LRP1B: variants seen among roughly 807,000 people sequenced by gnomAD.
LRP1B encodes the protein low-density lipoprotein receptor-related protein 1B.
LRP1B carries 217 observed loss-of-function variants against 556.6 expected under a neutral mutation model. The ratio of observed to expected loss-of-function variants is 0.39; its 90% CI spans 0.35 to 0.44. The LOEUF is 0.44. Ranked by LOEUF, LRP1B falls within the 20% of genes least tolerant of loss-of-function variation. LRP1B has a pLI of 1.00. For synonymous variants in LRP1B, 2,047 were observed against 1,865.8 expected (o/e 1.10, Z -2.50); for missense variants, 5,053 against 5,620.8 (o/e 0.90, Z 3.23).
chr2:141,637,303 T>C (rs1689138598), intron 2 of LRP1B, among the ~76,000 whole-genome samples: 1 of 152,170 alleles, frequency 6.6e-6, no homozygotes, highest in Non-Finnish European at 1.5e-5. Context: ...TTCTTTGCAT[T>C]AAATTATGTA....
chr2:140,389,233 A>G (rs751016087), intron 66 of LRP1B, among the ~76,000 whole-genome samples: 2 of 152,096 alleles, frequency 1.3e-5, no homozygotes, highest in Non-Finnish European at 2.9e-5. Flanking sequence ...TTTAAATAGG[A>G]GAATTATATG....
At chr2:140,857,851 C>T (rs551694452) in intron 27 of LRP1B, among the ~76,000 whole-genome samples, 62 of 152,022 alleles carry the variant, frequency 4.1e-4, no homozygotes, top group Non-Finnish European at 5.6e-4. Flanking sequence ...TCTTAAAATA[C>T]CAACTAACTT....
At chr2:141,640,016 A>G (rs1005518403) in intron 2 of LRP1B, among the ~76,000 whole-genome samples, 1 of 152,218 alleles carries the variant, frequency 6.6e-6, no homozygotes, top group East Asian at 1.9e-4. Context: ...TGATTCAGCA[A>G]TAGAAGCTTG....
chr2:140,438,067 A>G (rs1312595668), intron 66 of LRP1B, among the ~76,000 whole-genome samples: 1 of 152,164 alleles, frequency 6.6e-6, no homozygotes, highest in East Asian at 1.9e-4. Context: ...CACCTAGGCT[A>G]CAGTACAGGT....
chr2:140,487,614 T>C lies in LRP1B; in HGVS notation c.9243+3A>G. ...CAATCCCATCATTGTAATATTTAGT[T>C]ACCTTAATGTCACTTCCATTTAAAC... On this transcript the variant is annotated splice_donor_region_variant and intron_variant, in intron 58 of 90. Transcript: ENST00000389484. 6.2e-7 allele frequency: 1 copy of C among 1,606,988 alleles called. No individual in the cohort carries two copies. The highest frequency in any genetic ancestry group is 8.5e-7 in the Non-Finnish European group (1 of 1,175,490).
intron 1 of LRP1B, among the ~76,000 whole-genome samples, chr2:141,823,118 T>C (rs2105733175): frequency 6.6e-6 from 1 of 152,270 alleles, no homozygotes; most frequent in East Asian, 1.9e-4. Context: ...TCTCTCTTGC[T>C]TTCCCCATCT....
chr2:141,324,414 G>T (rs776130180), intron 3 of LRP1B, among the ~76,000 whole-genome samples: 4 of 152,060 alleles, frequency 2.6e-5, no homozygotes, highest in Admixed American at 6.6e-5. Flanking sequence ...TTTTGCTCCT[G>T]TCATGTTATT....
chr2:141,886,976 T>C (rs142183235), intron 1 of LRP1B, among the ~76,000 whole-genome samples: 1 of 58,434 alleles, frequency 1.7e-5, no homozygotes, highest in African/African-American at 1.0e-4. Context: ...TTTTTTTTTT[T>C]TTTGGGTTTT....
intron 2 of LRP1B, among the ~76,000 whole-genome samples, chr2:141,556,538 C>T (rs760381889): frequency 1.3e-5 from 2 of 151,892 alleles, no homozygotes; most frequent in Non-Finnish European, 2.9e-5. Flanking sequence ...CAGACATTAT[C>T]TAAGTGATTT....
chr2:140,724,828 C>G lies in LRP1B; in HGVS notation c.5759-8012G>C, dbSNP rs558543693. On this transcript the variant is annotated intron_variant, in intron 35 of 90. Transcript: ENST00000389484. ...GAGATAAAAAAATAATATTCCTCTCCCTGCCACCCCACAACTACCAACTTT... is the reference window on the plus strand; with the variant it reads ...GAGATAAAAAAATAATATTCCTCTCGCTGCCACCCCACAACTACCAACTTT... 5.9e-4 allele frequency among the ~76,000 whole-genome samples: 90 copies of G among 152,208 alleles called. 1 individual carries two copies. Among genetic ancestry groups the G allele is most frequent in the Admixed American group, 2.7e-3 (42 of 15,290 alleles).
intron 1 of LRP1B, among the ~76,000 whole-genome samples, chr2:142,090,422 C>T (rs1397789740): frequency 1.3e-5 from 2 of 152,066 alleles, no homozygotes; most frequent in Non-Finnish European, 2.9e-5. Flanking sequence ...ACTCTCTCTT[C>T]TCTATCACAA....
chr2:140,854,210 T>C (rs1487633477), intron 27 of LRP1B, among the ~76,000 whole-genome samples: 2 of 152,122 alleles, frequency 1.3e-5, no homozygotes, highest in African/African-American at 4.8e-5. Context: ...CATAACAGTC[T>C]AATGGTAGGT....
At chr2:141,796,578 C>CTTTTTTTTTTTT (rs75317117) in intron 2 of LRP1B, among the ~76,000 whole-genome samples, 7 of 127,572 alleles carry the variant, frequency 5.5e-5, no homozygotes, top group East Asian at 2.3e-4. Context: ...GCATTTTATT[C>CTTTTTTTTTTTT]TTTTTTTTTT....
chr2:140,903,368 T>C (rs2105224310), intron 22 of LRP1B, among the ~76,000 whole-genome samples: 1 of 152,252 alleles, frequency 6.6e-6, no homozygotes, highest in South Asian at 2.1e-4. Context: ...TTTAATTCTA[T>C]ATTATAGAAA....
At chr2:141,222,665 T>A (rs1334483090) in intron 6 of LRP1B, among the ~76,000 whole-genome samples, 2 of 152,174 alleles carry the variant, frequency 1.3e-5, no homozygotes, top group East Asian at 1.9e-4. Flanking sequence ...CAGCAGCACA[T>A]CCAAAAGTTT....
chr2:141,881,427 G>A (rs1280549381), intron 1 of LRP1B, among the ~76,000 whole-genome samples: 1 of 151,992 alleles, frequency 6.6e-6, no homozygotes, highest in Non-Finnish European at 1.5e-5. Flanking sequence ...TTGCATAGGA[G>A]CATTATTCAG....
chr2:140,251,315 G>A (rs1558926201), intron 86 of LRP1B, among the ~76,000 whole-genome samples: 1 of 151,706 alleles, frequency 6.6e-6, no homozygotes, highest in Non-Finnish European at 1.5e-5. Context: ...CTCTGAAATA[G>A]TAATTATTAC....
chr2:140,683,390 A>G (rs1685932404), intron 41 of LRP1B: 6 of 514,140 alleles, frequency 1.2e-5, no homozygotes, highest in Admixed American at 4.7e-5. Flanking sequence ...ATCCTGTTTC[A>G]AAGACCATCT....
chr2:140,713,197 C>T (rs1687094810), intron 37 of LRP1B, among the ~76,000 whole-genome samples: 1 of 152,010 alleles, frequency 6.6e-6, no homozygotes, highest in Non-Finnish European at 1.5e-5. Flanking sequence ...CCATAACTTC[C>T]CAGCCAATTA....
Sources: gnomAD v4.1 joint callset for allele counts (sites outside exome capture counted in the v4.1 genomes callset) on GRCh38, gnomAD v4.1.1 for gene constraint, MANE v1.5 for transcripts, NCBI Gene and HGNC (gene_info 2026-07-23, HGNC 2026-07-21) for gene names.